AJUBA: variants seen among roughly 807,000 people sequenced by gnomAD.
AJUBA encodes the protein LIM domain-containing protein ajuba.
A neutral mutation model predicts 53.3 loss-of-function variants in AJUBA; 20 were observed. The ratio of observed to expected loss-of-function variants is 0.38; its 90% CI spans 0.26 to 0.55. The LOEUF (loss-of-function observed/expected upper bound fraction) is 0.55. Among genes scored for constraint, AJUBA ranks in the 20% least tolerant of loss-of-function variants. The pLI, the probability that AJUBA is intolerant of heterozygous loss-of-function variation, is 0.80. For missense variants in AJUBA, 580 were observed against 730.5 expected, an observed-to-expected ratio of 0.79 and a Z score of 2.38; for synonymous variants, 296 against 306.2, an observed-to-expected ratio of 0.97 and a Z score of 0.35.
Position 22,974,103 on chromosome 14 carries a change from T to C in AJUBA, c.1435A>G (p.Ile479Val). 2 of 1,614,168 alleles carry C rather than the reference T, an allele frequency of 1.2e-6. No individual in the cohort carries two copies. Among genetic ancestry groups the C allele is most frequent in the South Asian group, 1.1e-5 (1 of 91,080 alleles). ...PILPSEGCED[I>V]VRVISMDRDY... ...CGGTCCATGGATATCACCCTCACGA[T>C]GTCCTCACAGCCCTGAAACATGCAG... The change falls in exon 7 of 8, where the codon ATC becomes GTC. Residue 479 changes from isoleucine (I) to valine (V), a missense_variant. Ile to Val is a conservative substitution (Grantham distance 29). Around this residue, in one of 2 missense-constraint regions of AJUBA, gnomAD observed 150 missense variants for 259.0 expected, o/e 0.58. Coordinates refer to ENST00000262713, the MANE Select transcript of AJUBA (RefSeq NM_032876.6).
At position 22,979,540 on chromosome 14, in the gene AJUBA, G is replaced by C. The variant is rs757917187; in HGVS notation, c.1007-1095C>G. ...AGGGTACAGTCAAGCTGGGGCTAGC[G>C]GCACAAGGGGTATGTAGGGGTTCTG... On this transcript the variant is annotated intron_variant, in intron 1 of 7. Transcript: ENST00000262713. The surrounding 1 kb of genome is among the most constrained non-coding windows in gnomAD (Gnocchi z 4.0). 2.2e-4 allele frequency among the ~76,000 whole-genome samples: 34 copies of C among 152,228 alleles called. No individual in the cohort carries two copies. The highest frequency in any genetic ancestry group is 4.6e-4 in the Non-Finnish European group (31 of 68,042).
At chr14:22,975,186 T>A in intron 4 of AJUBA, 82 bp from the exon 5 acceptor site, 1 of 1,539,282 alleles carries the variant, frequency 6.5e-7, no homozygotes, top group Non-Finnish European at 8.8e-7. Flanking sequence ...ATTACTCCCA[T>A]TAACCTCATC....
At position 22,972,741 on chromosome 14, in the gene AJUBA, A is replaced by G. The variant is rs1422090817; in HGVS notation, c.*702T>C. The stretch of plus-strand genomic sequence containing the variant: ...CATCCAGATATAGGTGCGGGACCCC[A>G]TATCTGACACCATGTGTCACAAAAA... On this transcript the variant is annotated 3_prime_UTR_variant, in exon 8 of 8. Coordinates refer to ENST00000262713, the MANE Select transcript of AJUBA (RefSeq NM_032876.6). The G allele has an allele frequency of 6.6e-6, 1 of 152,646 alleles. No individual in the cohort carries two copies. Among genetic ancestry groups the G allele is most frequent in the East Asian group, 1.9e-4 (1 of 5,192 alleles). The allele number at this position is 152,646 out of a possible 1,614,324, so 9.5% of individuals were successfully genotyped here. A position where few individuals can be genotyped will look rare whatever the true frequency, so the allele number is the denominator to read the frequency against.
At position 22,974,998 on chromosome 14, in the gene AJUBA, A is replaced by G; in HGVS notation, c.1346T>C (p.Val449Ala). The G allele has an allele frequency of 1.9e-6, 3 of 1,614,252 alleles. No homozygotes were observed. The highest frequency in any genetic ancestry group is 2.5e-6 in the Non-Finnish European group (3 of 1,180,042). The change falls in exon 5 of 8, where the codon GTA (valine) becomes GCA (alanine). Residue 449 changes from valine (V) to alanine (A), a missense_variant. Val to Ala is a moderately conservative substitution (Grantham distance 64). Around this residue, in one of 2 missense-constraint regions of AJUBA, gnomAD observed 150 missense variants for 259.0 expected, o/e 0.58. Coordinates refer to ENST00000262713, the MANE Select transcript of AJUBA (RefSeq NM_032876.6). ...IPFTVDFSNQ[V>A]YCVTDYHKNY... ...CTTGTGGTAGTCGGTGACACAGTAT[A>G]CTTGGTTGGAGAAGTCCACTGTGAA...
Position 22,982,173 on chromosome 14 carries a change from CG to C in AJUBA, c.93del (p.Pro33ArgfsTer6). ...ESSRSGSDGTPGPGKGRLSGL... is the reference protein window; with the variant it reads ...ESSRSGSDGTXGPGKGRLSGL... Reference sequence around the variant, plus strand: ...CCACTTAGGCGCCCCTTGCCCGGCCCGGGGGTCCCGTCAGACCCAGACCGGC... The same window carrying C: ...CCACTTAGGCGCCCCTTGCCCGGCCCGGGGTCCCGTCAGACCCAGACCGGC... On this transcript the variant is annotated frameshift_variant, in exon 1 of 8. Transcript: ENST00000262713. LOFTEE classifies it high-confidence loss of function. 1 of 1,613,404 alleles carries C rather than the reference CG, an allele frequency of 6.2e-7. No homozygotes were observed.
chr14:22,982,455 C>T lies in AJUBA; in HGVS notation c.-189G>A. The T allele has an allele frequency of 7.0e-7, 1 of 1,428,392 alleles. No individual in the cohort carries two copies. Among genetic ancestry groups the T allele is most frequent in the Non-Finnish European group, 9.1e-7 (1 of 1,099,056 alleles). 88.5% of individuals were successfully genotyped at this position (1,428,392 alleles called of 1,614,324 possible). On this transcript the variant is annotated 5_prime_UTR_variant, in exon 1 of 8. Transcript: ENST00000262713. ...CATCCCCCAGCGGGAGGGGCTGCGT[C>T]CCCCCGCGCATCTGGGGCTGAGCGG...
intron 4 of AJUBA, 100 bp downstream of exon 4, chr14:22,976,356 A>C: frequency 2.5e-6 from 3 of 1,215,954 alleles, no homozygotes; most frequent in Non-Finnish European, 3.7e-6. Flanking sequence ...TCATCTGGTG[A>C]CAGGCTTCTT....
In AJUBA at chr14:22,981,924, C is replaced by A; in HGVS notation, c.343G>T (p.Ala115Ser). 6.4e-7 allele frequency: 1 copy of A among 1,556,000 alleles called. No homozygotes were observed. The highest frequency in any genetic ancestry group is 8.6e-7 in the Non-Finnish European group (1 of 1,156,460). Residue 115 changes from alanine (A) to serine (S), a missense_variant, in exon 1 of 8, where the codon GCC becomes TCC. This residue lies in a region of AJUBA where 430 missense variants were observed against 471.5 expected (regional missense o/e 0.91). Transcript: ENST00000262713. The part of the protein sequence containing the change: ...LPPDFRLEPT[A>S]PALSPRSSFA... ...CTAGAGCGGGGGCTGAGGGCCGGGG[C>A]CGTGGGCTCCAGCCGAAAATCGGGG...
At chr14:22,978,186 G>A (rs1355419752) in intron 2 of AJUBA, among the ~76,000 whole-genome samples, 158 bp downstream of exon 2, 1 of 152,228 alleles carries the variant, frequency 6.6e-6, no homozygotes, top group Non-Finnish European at 1.5e-5. Flanking sequence ...AAGCAAGAGA[G>A]GCAGAGCAGC....
intron 1 of AJUBA, chr14:22,978,970 A>C: frequency 7.8e-7 from 1 of 1,289,168 alleles, no homozygotes. Flanking sequence ...GCAGACTTCC[A>C]AGGATGGAGA....
chr14:22,981,743 C>T lies in AJUBA; in HGVS notation c.524G>A (p.Ser175Asn). Residue 175 changes from serine to asparagine, a missense_variant, in exon 1 of 8, where the codon AGC (serine) becomes AAC (asparagine). Transcript: ENST00000262713. ...CAGGCACGGCCCCGCTGGCAAGGGG[C>T]TCCCGTGGCGCTGGTCGTAGCCCAT... ...ISMGYDQRHGSPLPAGPCLFG... is the reference protein window; with the variant it reads ...ISMGYDQRHGNPLPAGPCLFG... The T allele has an allele frequency of 6.5e-7, 1 of 1,533,712 alleles. No homozygotes were observed. The highest frequency in any genetic ancestry group is 8.7e-7 in the Non-Finnish European group (1 of 1,145,292).
At chr14:22,978,012 G>A (rs1014805707) in intron 2 of AJUBA, among the ~76,000 whole-genome samples, 2 of 149,108 alleles carry the variant, frequency 1.3e-5, no homozygotes, top group African/African-American at 4.9e-5. Flanking sequence ...CAGGCAACTT[G>A]GCTGCCCAAG....
At position 22,981,318 on chromosome 14, in the gene AJUBA, C is replaced by T. The variant is rs2044163801; in HGVS notation, c.949G>A (p.Val317Ile). The change falls in exon 1 of 8, where the codon GTT (valine) becomes ATT (isoleucine). Residue 317 changes from valine (V) to isoleucine (I), a missense_variant. Transcript: ENST00000262713. Reference sequence around the variant, plus strand: ...ATCCGGGCCCGGGCGGCCTCCGGAACGAAAGGACCTGGTGGCTCCTCCAGA... The same window carrying T: ...ATCCGGGCCCGGGCGGCCTCCGGAATGAAAGGACCTGGTGGCTCCTCCAGA... ...SGLEEPPGPF[V>I]PEAARARMRE... 3.7e-6 allele frequency: 6 copies of T among 1,612,178 alleles called. No individual in the cohort carries two copies. The highest frequency in any genetic ancestry group is 3.3e-5 in the South Asian group (3 of 91,052).
rs1262902183 is a variant in AJUBA at position 22,982,387 on chromosome 14, G to T, written c.-121C>A. The T allele has an allele frequency of 6.7e-7, 1 of 1,486,994 alleles. No individual in the cohort carries two copies. The highest frequency in any genetic ancestry group is 8.9e-7 in the Non-Finnish European group (1 of 1,129,248). The allele number at this position is 1,486,994 out of a possible 1,614,324, so 92.1% of individuals were successfully genotyped here. On this transcript the variant is annotated 5_prime_UTR_variant, in exon 1 of 8. Transcript: ENST00000262713. The stretch of plus-strand genomic sequence containing the variant: ...CCAGGGGCACAGGGGAGGCACAGGG[G>T]CTTAGCGGGCGGCCTGGATGCCCTG...
Position 22,973,262 on chromosome 14 carries a change from G to A in AJUBA, c.*181C>T. On this transcript the variant is annotated 3_prime_UTR_variant, in exon 8 of 8. Coordinates refer to ENST00000262713, the MANE Select transcript of AJUBA (RefSeq NM_032876.6). ...TCGCCCCCACCCTGGTAAATATAAGGTTTCTCTTCCACAATCCATTTGGAA... is the reference window on the plus strand; with the variant it reads ...TCGCCCCCACCCTGGTAAATATAAGATTTCTCTTCCACAATCCATTTGGAA... 1.0e-6 allele frequency: 1 copy of A among 964,960 alleles called. No individual in the cohort carries two copies. The highest frequency in any genetic ancestry group is 1.7e-5 in the South Asian group (1 of 58,010). 59.8% of individuals were successfully genotyped at this position (964,960 alleles called of 1,614,324 possible).
In AJUBA at chr14:22,982,507, G is replaced by T. The variant is rs2045113881; in HGVS notation, c.-241C>A. On this transcript the variant is annotated 5_prime_UTR_variant, in exon 1 of 8. Coordinates refer to ENST00000262713, the MANE Select transcript of AJUBA (RefSeq NM_032876.6). ...GCTAGCAGGGTCTCTGGCCGCGGCT[G>T]TCCAGTCCGCAGGTCTATCTGTTCA... 2.6e-5 allele frequency: 36 copies of T among 1,391,588 alleles called. No individual in the cohort carries two copies. The highest frequency in any genetic ancestry group is 2.9e-5 in the Non-Finnish European group (31 of 1,077,938). The allele number at this position is 1,391,588 out of a possible 1,614,324, so 86.2% of individuals were successfully genotyped here.
rs1304495157 is a variant in AJUBA, at chr14:22,978,540, A to C, written c.1007-95T>G. 48 of 1,526,582 alleles carry C rather than the reference A, an allele frequency of 3.1e-5. No homozygotes were observed. The South Asian group carries it at 5.2e-4, about 17-fold the overall frequency. 94.6% of individuals were successfully genotyped at this position (1,526,582 alleles called of 1,614,324 possible). On this transcript the variant is annotated intron_variant, in intron 1 of 7. Coordinates refer to ENST00000262713, the MANE Select transcript of AJUBA (RefSeq NM_032876.6). The stretch of plus-strand genomic sequence containing the variant: ...GCCCTTTCCTGATGTGCCAGGGGTC[A>C]CAGTCTCCCTTTGATGGGCTCCCTT...
At position 22,973,508 on chromosome 14, in the gene AJUBA, A is replaced by G. The variant is rs754367948; in HGVS notation, c.1552T>C (p.Leu518=). 52 of 1,614,060 alleles carry G rather than the reference A, an allele frequency of 3.2e-5. No homozygotes were observed. Among genetic ancestry groups the G allele is most frequent in the Non-Finnish European group, 4.2e-5 (50 of 1,180,022 alleles). ...GCCCFPLDGH[L]LCHGCHMQRL... is the part of the protein sequence containing the mutation. ...TGCATGTGGCAACCATGGCAGAGCAAGTGCCCATCCAGAGGGAAACAGCAG... is the reference window on the plus strand; with the variant it reads ...TGCATGTGGCAACCATGGCAGAGCAGGTGCCCATCCAGAGGGAAACAGCAG... The change falls in exon 8 of 8, where the codon TTG becomes CTG. Residue 518 remains leucine (L), a synonymous_variant. Coordinates refer to ENST00000262713, the MANE Select transcript of AJUBA (RefSeq NM_032876.6).
At chr14:22,974,239 A>C in intron 6 of AJUBA, 124 bp from the exon 7 acceptor site, 1 of 1,004,094 alleles carries the variant, frequency 1.0e-6, no homozygotes, top group Non-Finnish European at 1.6e-6. Flanking sequence ...TCTCTCTGCA[A>C]TCACCTGTAG....
Sources: gnomAD v4.1 joint callset for allele counts (sites outside exome capture counted in the v4.1 genomes callset) on GRCh38, gnomAD v4.1.1 for gene constraint, gnomAD v4.1.1 regional missense constraint, Gnocchi (gnomAD v3.1) non-coding constraint, MANE v1.5 for transcripts, NCBI Gene and HGNC (gene_info 2026-07-23, HGNC 2026-07-21) for gene names.